The following RALGAPA1 variants were observed in gnomAD, a reference collection of about 807,000 sequenced individuals.
The protein encoded by RALGAPA1 is Ral GTPase activating protein catalytic subunit alpha 1, also known as ral GTPase-activating protein subunit alpha-1.
A neutral mutation model predicts 269.6 loss-of-function variants in RALGAPA1; 52 were observed. The ratio of observed to expected loss-of-function variants is 0.19; its 90% CI spans 0.15 to 0.24. RALGAPA1 has a LOEUF of 0.24. Among genes scored for constraint, RALGAPA1 ranks in the 10% least tolerant of loss-of-function variants. The pLI is 1.00. For synonymous variants in RALGAPA1, 817 were observed against 1,008.3 expected, an observed-to-expected ratio of 0.81 and a Z score of 3.60; for missense variants, 1,917 against 3,013.9, an observed-to-expected ratio of 0.64 and a Z score of 8.52.
At chr14:35,562,329 G>C (rs1158795600) in intron 39 of RALGAPA1, among the ~76,000 whole-genome samples, 1 of 152,112 alleles carries the variant, frequency 6.6e-6, no homozygotes, top group Admixed American at 6.5e-5. Flanking sequence ...TCAGGGCTCA[G>C]CCTCATGCTG....
At chr14:35,785,613 G>T (rs971175688) in intron 1 of RALGAPA1, among the ~76,000 whole-genome samples, 4 of 151,934 alleles carry the variant, frequency 2.6e-5, no homozygotes, top group African/African-American at 9.7e-5. Flanking sequence ...TTTTTGTTTT[G>T]GTTTTTAAAT....
At chr14:35,697,290 G>C (rs12886001) in intron 17 of RALGAPA1, among the ~76,000 whole-genome samples, 20,016 of 152,098 alleles carry the variant, frequency 0.13, 1,356 homozygotes, top group African/African-American at 0.14. Context: ...AAGGTGTTCT[G>C]TGCTTAAATA....
At chr14:35,710,574 A>G (rs551845712) in intron 16 of RALGAPA1, among the ~76,000 whole-genome samples, 3 of 152,254 alleles carry the variant, frequency 2.0e-5, no homozygotes, top group Non-Finnish European at 4.4e-5. Context: ...AATCATCTTT[A>G]TGTAATACCC....
chr14:35,736,744 G>C (rs564384380), intron 12 of RALGAPA1, among the ~76,000 whole-genome samples: 1 of 152,254 alleles, frequency 6.6e-6, no homozygotes, highest in East Asian at 1.9e-4. Flanking sequence ...GATTTAAAAA[G>C]TGAATGATTG....
chr14:35,607,427 T>C (rs1441084442), intron 35 of RALGAPA1, among the ~76,000 whole-genome samples: 1 of 152,204 alleles, frequency 6.6e-6, no homozygotes, highest in Non-Finnish European at 1.5e-5. Flanking sequence ...TAGATAGGTG[T>C]GGCTGAAAGA....
chr14:35,735,821 AT>A (rs1482772796), intron 12 of RALGAPA1, among the ~76,000 whole-genome samples: 3 of 152,228 alleles, frequency 2.0e-5, no homozygotes, highest in African/African-American at 7.2e-5. Flanking sequence ...ATCAAGAGAT[AT>A]TAAATTATTT....
At chr14:35,655,232 C>T (rs2063100960) in intron 29 of RALGAPA1, among the ~76,000 whole-genome samples, 1 of 152,030 alleles carries the variant, frequency 6.6e-6, no homozygotes, top group Admixed American at 6.5e-5. Context: ...TTATTAGCTA[C>T]TTTGTATGTT....
intron 16 of RALGAPA1, among the ~76,000 whole-genome samples, chr14:35,712,464 T>C (rs989234799): frequency 6.6e-6 from 1 of 152,124 alleles, no homozygotes; most frequent in African/African-American, 2.4e-5. Context: ...CTTTCCATCT[T>C]TGTTCATCTG....
At chr14:35,553,684 A>G (rs1010261077) in intron 39 of RALGAPA1, among the ~76,000 whole-genome samples, 5 of 152,218 alleles carry the variant, frequency 3.3e-5, no homozygotes, top group Non-Finnish European at 7.3e-5. Flanking sequence ...GTTATACACA[A>G]GAATGAATAT....
At chr14:35,686,431 T>A (rs2065939549) in intron 19 of RALGAPA1, 111 bp downstream of exon 19, 1 of 784,394 alleles carries the variant, frequency 1.3e-6, no homozygotes, top group Admixed American at 3.9e-5. Flanking sequence ...TGAGGAAAGG[T>A]TATTTTGAAT....
chr14:35,734,285 C>T (rs1340758602), intron 12 of RALGAPA1, among the ~76,000 whole-genome samples: 3 of 152,138 alleles, frequency 2.0e-5, no homozygotes, highest in Non-Finnish European at 4.4e-5. Context: ...GGAGGTATCA[C>T]ACTACCTGAT....
intron 28 of RALGAPA1, among the ~76,000 whole-genome samples, chr14:35,657,072 T>C (rs1431707935): frequency 6.6e-6 from 1 of 152,032 alleles, no homozygotes; most frequent in East Asian, 1.9e-4. Flanking sequence ...GCATGTAGAG[T>C]TTCCTACACC....
intron 39 of RALGAPA1, among the ~76,000 whole-genome samples, chr14:35,559,394 G>A (rs1036493036): frequency 6.6e-6 from 1 of 152,162 alleles, no homozygotes; most frequent in African/African-American, 2.4e-5. Context: ...TATTTAAAGA[G>A]TAGAATAAAA....
Position 35,700,235 on chromosome 14 carries a change from A to G in RALGAPA1, c.2334T>C (p.Ala778=). The G allele has an allele frequency of 6.5e-7, 1 of 1,535,734 alleles. No homozygotes were observed. Among genetic ancestry groups the G allele is most frequent in the South Asian group, 1.2e-5 (1 of 84,000 alleles). ...PSAYIRSAKS[A]PVLIHTSKPF... is the part of the protein sequence containing the mutation. Reference sequence around the variant, plus strand: ...GTTTGGAAGTATGGATCAGAACAGGAGCACTTTTAGCACTGCGTATATAGG... The same window carrying G: ...GTTTGGAAGTATGGATCAGAACAGGGGCACTTTTAGCACTGCGTATATAGG... The change falls in exon 17 of 42, where the codon GCT becomes GCC. Residue 778 remains alanine (A), a synonymous_variant. Coordinates refer to ENST00000680220, the MANE Select transcript of RALGAPA1 (RefSeq NM_001346249.2).
At chr14:35,748,087 G>A (rs1370547014) in intron 10 of RALGAPA1, among the ~76,000 whole-genome samples, 2 of 151,884 alleles carry the variant, frequency 1.3e-5, no homozygotes, top group Non-Finnish European at 2.9e-5. Flanking sequence ...TCAAATGATA[G>A]AAGAGTTTCA....
chr14:35,703,047 G>C (rs1382829277), intron 16 of RALGAPA1, among the ~76,000 whole-genome samples: 1 of 152,130 alleles, frequency 6.6e-6, no homozygotes, highest in Non-Finnish European at 1.5e-5. Context: ...TAATTTCTGG[G>C]AAATAACAAC....
intron 26 of RALGAPA1, among the ~76,000 whole-genome samples, chr14:35,665,139 A>G (rs2063827891): frequency 6.6e-6 from 1 of 152,200 alleles, no homozygotes; most frequent in Admixed American, 6.5e-5. Context: ...TAATTTCACT[A>G]GATTATATTT....
chr14:35,776,024 T>A (rs1285241185), intron 1 of RALGAPA1, among the ~76,000 whole-genome samples: 1 of 152,222 alleles, frequency 6.6e-6, no homozygotes, highest in Non-Finnish European at 1.5e-5. Flanking sequence ...TAAGTTCTAT[T>A]TTCAATTCAC....
chr14:35,636,750 G>C (rs941005633), intron 31 of RALGAPA1, among the ~76,000 whole-genome samples: 5 of 152,118 alleles, frequency 3.3e-5, no homozygotes, highest in Non-Finnish European at 7.4e-5. Flanking sequence ...TGAACTCCTA[G>C]CCTCAAGTGA....
Sources: gnomAD v4.1 joint callset for allele counts (sites outside exome capture counted in the v4.1 genomes callset) on GRCh38, gnomAD v4.1.1 for gene constraint, MANE v1.5 for transcripts, NCBI Gene and HGNC (gene_info 2026-07-23, HGNC 2026-07-21) for gene names.